The following CD55 variants were observed in gnomAD, a reference collection of about 807,000 sequenced individuals.
CD55 encodes complement decay-accelerating factor.
A neutral mutation model predicts 45.8 loss-of-function variants in CD55; 41 were observed. The ratio of observed to expected loss-of-function variants is 0.90; its 90% CI spans 0.70 to 1.16. CD55 has a LOEUF of 1.16. Ranked by LOEUF, CD55 falls within the 50% of genes most tolerant of loss-of-function variation. CD55 has a pLI of 0.00. For synonymous variants in CD55, 181 were observed against 181.1 expected (o/e 1.00, Z 0.01); for missense variants, 416 against 469.8 (o/e 0.89, Z 1.06).
intron 9 of CD55, among the ~76,000 whole-genome samples, chr1:207,352,536 A>G (rs935064050): frequency 3.9e-5 from 6 of 152,098 alleles, no homozygotes; most frequent in African/African-American, 1.4e-4. Flanking sequence ...TGTTGGTTTG[A>G]ATCCTGTTTT....
intron 9 of CD55, among the ~76,000 whole-genome samples, chr1:207,352,621 A>G (rs1655911452): frequency 6.6e-6 from 1 of 152,118 alleles, no homozygotes; most frequent in Non-Finnish European, 1.5e-5. Context: ...TTTCTCATTT[A>G]AGAGATAGAG....
chr1:207,336,293 C>T (rs1655168411), intron 6 of CD55, among the ~76,000 whole-genome samples: 1 of 152,136 alleles, frequency 6.6e-6, no homozygotes, highest in Admixed American at 6.5e-5. Context: ...ATAGAAAAGG[C>T]TGTGACTGTC....
At chr1:207,354,188 T>C (rs1214934563) in intron 9 of CD55, 1 of 1,321,008 alleles carries the variant, frequency 7.6e-7, no homozygotes, top group Non-Finnish European at 9.7e-7. Flanking sequence ...GTAAATTTTG[T>C]TTGATGAATA....
At position 207,359,516 on chromosome 1, in the gene CD55, CTTTTTTTTT is replaced by C. The variant is rs56236833; in HGVS notation, c.1082-18_1082-10del. 776 of 1,284,850 alleles carry C rather than the reference CTTTTTTTTT, an allele frequency of 6.0e-4. 7 individuals are homozygous for C. The African/African-American group carries it at 0.012, about 20-fold the overall frequency. The allele number at this position is 1,284,850 out of a possible 1,614,324, so 79.6% of individuals were successfully genotyped here. A position where few individuals can be genotyped will look rare whatever the true frequency, so the allele number is the denominator to read the frequency against. On this transcript the variant is annotated intron_variant, in intron 9 of 9. Coordinates refer to ENST00000367064, the MANE Select transcript of CD55 (RefSeq NM_000574.5). Reference sequence around the variant, plus strand: ...GTAAATAAAATCATTTTGATTTTAACTTTTTTTTTTTTTTTTTTTTAATTTTCAGGGCAC... The same window carrying C: ...GTAAATAAAATCATTTTGATTTTAACTTTTTTTTTTTAATTTTCAGGGCAC...
chr1:207,355,475 G>A (rs551207849), intron 9 of CD55, among the ~76,000 whole-genome samples: 13 of 152,280 alleles, frequency 8.5e-5, no homozygotes, highest in Non-Finnish European at 1.8e-4. Flanking sequence ...CCAATTATTT[G>A]CTGTTGTTCA....
chr1:207,337,057 C>T lies in CD55; in HGVS notation c.979+239C>T, dbSNP rs554821443. The T allele has an allele frequency of 3.7e-4, 227 of 613,496 alleles. No homozygotes were observed. In the African/African-American group the frequency reaches 4.0e-3, roughly 11 times the overall value. 38.0% of individuals were successfully genotyped at this position (613,496 alleles called of 1,614,324 possible). ...CCCTACCAACTCTTCAGAAACCCAC[C>T]AGAGCAAATGATTCAGCCACCAAAT... On this transcript the variant is annotated intron_variant, in intron 7 of 9. Transcript: ENST00000367064.
chr1:207,331,562 T>A (rs1328782422), intron 6 of CD55, among the ~76,000 whole-genome samples: 1 of 152,186 alleles, frequency 6.6e-6, no homozygotes, highest in Non-Finnish European at 1.5e-5. Flanking sequence ...TTACATTTGC[T>A]GTTTTATACC....
At chr1:207,346,735 A>T (rs28739005) in intron 9 of CD55, among the ~76,000 whole-genome samples, 3,049 of 152,246 alleles carry the variant, frequency 0.02, 105 homozygotes, top group African/African-American at 0.068. Context: ...AGCAAGATGC[A>T]GTCTGGGAGG....
intron 6 of CD55, among the ~76,000 whole-genome samples, chr1:207,335,639 T>C (rs1655139028): frequency 1.3e-5 from 2 of 151,534 alleles, no homozygotes; most frequent in African/African-American, 4.8e-5. Context: ...ATGATTATCA[T>C]TGTTTGAGTG....
At chr1:207,330,629 A>G (rs1348915115) in intron 5 of CD55, among the ~76,000 whole-genome samples, 2 of 151,656 alleles carry the variant, frequency 1.3e-5, no homozygotes, top group Non-Finnish European at 1.5e-5. Context: ...TGAATTTTCA[A>G]CTCCTTGCAT....
chr1:207,333,832 A>G (rs1468002047), intron 6 of CD55, among the ~76,000 whole-genome samples: 2 of 152,164 alleles, frequency 1.3e-5, no homozygotes, highest in African/African-American at 4.8e-5. Flanking sequence ...ACCCAAACTG[A>G]TGCACAAAGA....
At chr1:207,352,190 G>A (rs1407241361) in intron 9 of CD55, among the ~76,000 whole-genome samples, 2 of 149,596 alleles carry the variant, frequency 1.3e-5, no homozygotes, top group Non-Finnish European at 3.0e-5. Context: ...CATGTGTTGT[G>A]AATTTTAAAT....
At chr1:207,338,089 C>T (rs940699602) in intron 8 of CD55, among the ~76,000 whole-genome samples, 2 of 152,108 alleles carry the variant, frequency 1.3e-5, no homozygotes, top group African/African-American at 2.4e-5. Flanking sequence ...TGGATGTTAT[C>T]GTTAAAGTTC....
chr1:207,334,894 A>G (rs1435253908), intron 6 of CD55, among the ~76,000 whole-genome samples: 1 of 90,760 alleles, frequency 1.1e-5, no homozygotes, highest in African/African-American at 4.0e-5. Flanking sequence ...AAGATTTTAA[A>G]AAGAACCTAG....
chr1:207,337,148 C>T (rs1401504770), intron 7 of CD55, 181 bp from the exon 8 acceptor site: 1 of 610,366 alleles, frequency 1.6e-6, no homozygotes, highest in Non-Finnish European at 2.9e-6. Flanking sequence ...TTCTGCAGCT[C>T]AGAATCCCAT....
chr1:207,354,504 G>A (rs964658769), intron 9 of CD55, among the ~76,000 whole-genome samples: 1 of 152,108 alleles, frequency 6.6e-6, no homozygotes, highest in Non-Finnish European at 1.5e-5. Context: ...CTCCTTTTGT[G>A]GGGGAGAAAA....
intron 8 of CD55, among the ~76,000 whole-genome samples, chr1:207,338,790 A>C (rs141477756): frequency 2.0e-5 from 3 of 152,304 alleles, no homozygotes; most frequent in Non-Finnish European, 4.4e-5. Flanking sequence ...GTTCATATCC[A>C]GTGCACAGTT....
intron 8 of CD55, chr1:207,337,653 G>A: frequency 6.1e-6 from 2 of 330,076 alleles, no homozygotes; most frequent in South Asian, 7.8e-5. Flanking sequence ...GCTAAATTAA[G>A]ATTGGTAAAA....
At chr1:207,350,020 G>T in intron 9 of CD55, 1 of 427,906 alleles carries the variant, frequency 2.3e-6, no homozygotes, top group South Asian at 1.7e-5. Flanking sequence ...TTATTATTTT[G>T]TGGTATGTTC....
Sources: allele counts gnomAD v4.1 joint callset (sites outside exome capture counted in the v4.1 genomes callset), GRCh38; gene constraint gnomAD v4.1.1; transcripts MANE v1.5; gene names NCBI Gene and HGNC (gene_info 2026-07-23, HGNC 2026-07-21).